DMD: variants seen among roughly 807,000 people sequenced by gnomAD.
The protein encoded by DMD is dystrophin.
In DMD, 63 loss-of-function variants were observed where a neutral mutation model predicts 330.1. The ratio of observed to expected loss-of-function variants is 0.19; its 90% CI spans 0.16 to 0.24. The LOEUF is 0.24. Among genes scored for constraint, DMD ranks in the 10% least tolerant of loss-of-function variants. DMD has a pLI of 1.00. For missense variants in DMD, 3,344 were observed against 2,684.1 expected (o/e 1.25, Z -5.43); for synonymous variants, 1,223 against 959.8 (o/e 1.27, Z -5.07).
intron 44 of DMD, among the ~76,000 whole-genome samples, chrX:32,161,401 C>A (rs776028379): frequency 9.0e-6 from 1 of 111,541 alleles, no homozygotes; most frequent in East Asian, 2.8e-4. Flanking sequence ...CAGAAGCTAC[C>A]AAAGATTGAA....
chrX:32,913,370 CTG>C (rs1351446382), intron 2 of DMD, among the ~76,000 whole-genome samples: 2 of 112,217 alleles, frequency 1.8e-5, no homozygotes, highest in South Asian at 3.7e-4. Context: ...TAACATCAAA[CTG>C]TGAATTTAAA....
intron 55 of DMD, among the ~76,000 whole-genome samples, chrX:31,603,278 T>A (rs1240247210): frequency 1.8e-5 from 2 of 111,508 alleles, no homozygotes; most frequent in Non-Finnish European, 3.8e-5. Context: ...CTGAATTAAA[T>A]TTTTTTGGTT....
chrX:32,710,393 CTTGAT>C, intron 7 of DMD, among the ~76,000 whole-genome samples: 1 of 110,904 alleles, frequency 9.0e-6, no homozygotes, highest in Admixed American at 9.6e-5. Context: ...AAAAATAAGA[CTTGAT>C]TTGAAGAACA....
chrX:32,888,756 C>T (rs2084910751), intron 2 of DMD, among the ~76,000 whole-genome samples: 1 of 111,435 alleles, frequency 9.0e-6, no homozygotes, highest in Non-Finnish European at 1.9e-5. Flanking sequence ...ATGGAATCAA[C>T]CTAAGTAACC....
rs773159435 is a variant in DMD at position 32,382,291 on chromosome X, G to A, written c.4675-1611C>T. ...AAAACAATACCACCACCACAAGTGC[G>A]TTATTTGTGCATTATGCCCTAAGCC... is the stretch of plus-strand genomic sequence containing the variant. On this transcript the variant is annotated intron_variant, in intron 33 of 78. Transcript: ENST00000357033. 7.1e-4 allele frequency among the ~76,000 whole-genome samples: 79 copies of A among 111,313 alleles called. 1 individual carries two copies. Among genetic ancestry groups the A allele is most frequent in the Non-Finnish European group, 1.4e-3 (73 of 52,720 alleles).
intron 11 of DMD, among the ~76,000 whole-genome samples, chrX:32,625,301 G>A (rs1033337465): frequency 2.7e-5 from 3 of 111,997 alleles, no homozygotes; most frequent in African/African-American, 9.7e-5. Flanking sequence ...CTAGTCAGGT[G>A]GGAATAATGA....
chrX:32,107,611 C>T (rs187881971), intron 44 of DMD, among the ~76,000 whole-genome samples: 17 of 110,480 alleles, frequency 1.5e-4, no homozygotes, highest in Admixed American at 1.5e-3. Context: ...TCGGGCAGAA[C>T]GATTCCCTTT....
chrX:32,589,110 G>C (rs1318390888), intron 13 of DMD, among the ~76,000 whole-genome samples: 2 of 111,512 alleles, frequency 1.8e-5, no homozygotes, highest in East Asian at 2.8e-4. Flanking sequence ...CATAGAGAAA[G>C]TGCCTTCCTT....
At chrX:31,736,491 G>A (rs984069125) in intron 51 of DMD, among the ~76,000 whole-genome samples, 3 of 111,601 alleles carry the variant, frequency 2.7e-5, no homozygotes, top group African/African-American at 9.8e-5. Flanking sequence ...ACATTTCTAG[G>A]TTTAGCTAAG....
At chrX:32,505,593 G>C (rs774432608) in intron 18 of DMD, among the ~76,000 whole-genome samples, 1 of 112,091 alleles carries the variant, frequency 8.9e-6, no homozygotes, top group East Asian at 2.8e-4. Flanking sequence ...CACTTTGGAA[G>C]ACAGTTTGGA....
intron 1 of DMD, among the ~76,000 whole-genome samples, chrX:33,276,993 A>ATG (rs984292854): frequency 2.7e-5 from 3 of 111,776 alleles, no homozygotes; most frequent in Admixed American, 9.5e-5. Context: ...TTGTGTGTGT[A>ATG]TGTGTGTGTG....
chrX:33,120,367 T>C (rs1256264254), intron 1 of DMD, among the ~76,000 whole-genome samples: 1 of 111,614 alleles, frequency 9.0e-6, no homozygotes, highest in African/African-American at 3.3e-5. Flanking sequence ...GAAGATGAGA[T>C]GGCTGCGTGC....
chrX:32,551,172 CACA>C (rs1218631691), intron 16 of DMD, among the ~76,000 whole-genome samples: 1 of 110,792 alleles, frequency 9.0e-6, no homozygotes, highest in Admixed American at 9.7e-5. Flanking sequence ...CTGGCAGACA[CACA>C]ACAACCAAAA....
At chrX:32,572,060 A>G (rs1352370489) in intron 15 of DMD, among the ~76,000 whole-genome samples, 1 of 112,109 alleles carries the variant, frequency 8.9e-6, no homozygotes, top group Non-Finnish European at 1.9e-5. Flanking sequence ...TCGTGTTTTC[A>G]AACATATACA....
intron 44 of DMD, among the ~76,000 whole-genome samples, chrX:32,212,155 G>A (rs938267608): frequency 6.2e-5 from 7 of 112,147 alleles, no homozygotes; most frequent in Non-Finnish European, 1.1e-4. Context: ...TAGGAAATGA[G>A]TAGGCAGAAG....
In DMD at chrX:32,411,756, G is replaced by A; in HGVS notation, c.4229C>T (p.Ala1410Val). ...CTGATTCCCAGATGTACTTGCCTGGGCTTCCTGAGGCATTTGAGCTGCGTC... is the reference window on the plus strand; with the variant it reads ...CTGATTCCCAGATGTACTTGCCTGGACTTCCTGAGGCATTTGAGCTGCGTC... ...KVDAAQMPQE[A>V]QKIQSDLTSH... The change falls in exon 30 of 79, where the codon GCC becomes GTC. Residue 1410 changes from alanine to valine, a missense_variant. Coordinates refer to ENST00000357033, the MANE Select transcript of DMD (RefSeq NM_004006.3). The A allele has an allele frequency of 8.3e-7, 1 of 1,210,833 alleles. No individual in the cohort carries two copies. The highest frequency in any genetic ancestry group is 1.1e-6 in the Non-Finnish European group (1 of 895,066).
chrX:32,597,649 G>A (rs1301420604), intron 12 of DMD, among the ~76,000 whole-genome samples: 1 of 111,546 alleles, frequency 9.0e-6, no homozygotes, highest in East Asian at 2.8e-4. Context: ...TATTAAGTGA[G>A]GCTGTCACAA....
At chrX:32,910,654 G>A (rs2087148613) in intron 2 of DMD, among the ~76,000 whole-genome samples, 2 of 111,276 alleles carry the variant, frequency 1.8e-5, no homozygotes, top group African/African-American at 6.5e-5. Context: ...TGTTGGCCAG[G>A]CTGGTCTCGA....
intron 7 of DMD, among the ~76,000 whole-genome samples, chrX:32,772,627 G>A (rs2073731718): frequency 9.0e-6 from 1 of 111,577 alleles, no homozygotes; most frequent in African/African-American, 3.3e-5. Context: ...CTTACATAGA[G>A]GTAGACGTTT....
Sources: gnomAD v4.1 joint callset for allele counts (sites outside exome capture counted in the v4.1 genomes callset) on GRCh38, gnomAD v4.1.1 for gene constraint, MANE v1.5 for transcripts, NCBI Gene and HGNC (gene_info 2026-07-23, HGNC 2026-07-21) for gene names.